Variants in SEC13 observed in about 807,000 individuals in gnomAD.
SEC13 encodes the protein SEC13 homolog, nuclear pore and COPII component.
SEC13 carries 25 observed loss-of-function variants against 49.2 expected under a neutral mutation model. That is an observed-to-expected ratio of 0.51 (90% CI 0.37 to 0.71). The LOEUF (loss-of-function observed/expected upper bound fraction) is 0.71. Ranked by LOEUF, SEC13 falls within the 30% of genes least tolerant of loss-of-function variation. SEC13 has a pLI of 0.00. For missense variants in SEC13, 383 were observed against 417.6 expected, an observed-to-expected ratio of 0.92 and a Z score of 0.72; for synonymous variants, 148 against 163.9, an observed-to-expected ratio of 0.90 and a Z score of 0.74.
intron 2 of SEC13, among the ~76,000 whole-genome samples, chr3:10,317,209 T>C (rs888804507): frequency 3.9e-5 from 6 of 152,292 alleles, no homozygotes; most frequent in South Asian, 2.1e-4. Context: ...AGACTGGGTC[T>C]TCCTGCCCAT....
chr3:10,305,158 T>TAACA lies in SEC13; in HGVS notation c.585-6_585-3dup, dbSNP rs769430331. 3.1e-6 allele frequency: 5 copies of TAACA among 1,608,820 alleles called. No homozygotes were observed. Among genetic ancestry groups the TAACA allele is most frequent in the South Asian group, 2.2e-5 (2 of 90,270 alleles). On this transcript the variant is annotated splice_polypyrimidine_tract_variant and splice_region_variant and intron_variant, in intron 6 of 8. Coordinates refer to ENST00000350697, the MANE Select transcript of SEC13 (RefSeq NM_183352.3). Reference sequence around the variant, plus strand: ...TTCCACTGGCCGTCCTCCTCCTCCCTAACAGTGGGGACAGAAAGAGAATCA... The same window carrying TAACA: ...TTCCACTGGCCGTCCTCCTCCTCCCTAACAAACAGTGGGGACAGAAAGAGAATCA...
intron 8 of SEC13, among the ~76,000 whole-genome samples, chr3:10,302,972 C>T (rs1040860136): frequency 5.3e-5 from 8 of 151,190 alleles, no homozygotes; most frequent in African/African-American, 7.4e-5. Context: ...TTAGATAGGT[C>T]GCTAGAGCAG....
rs953434883 is a variant in SEC13 at position 10,320,692 on chromosome 3, T to A, written c.3+358A>T. 3.5e-6 allele frequency: 4 copies of A among 1,131,856 alleles called. No individual in the cohort carries two copies. In the African/African-American group the frequency reaches 6.5e-5, roughly 18 times the overall value. The allele number at this position is 1,131,856 out of a possible 1,614,324, so 70.1% of individuals were successfully genotyped here. A position where few individuals can be genotyped will look rare whatever the true frequency, so the allele number is the denominator to read the frequency against. ...GTAAAGTGTTGAGAAGAATAGCACC[T>A]TCTTCACAAGGCTGTTAGCAGGCGG... is the stretch of plus-strand genomic sequence containing the variant. On this transcript the variant is annotated intron_variant, in intron 1 of 8. Coordinates refer to ENST00000350697, the MANE Select transcript of SEC13 (RefSeq NM_183352.3).
At chr3:10,310,612 C>T (rs1290338937) in intron 5 of SEC13, among the ~76,000 whole-genome samples, 1 of 152,194 alleles carries the variant, frequency 6.6e-6, no homozygotes, top group Admixed American at 6.5e-5. Flanking sequence ...TTAGAACCCT[C>T]ATACACTGCT....
intron 2 of SEC13, among the ~76,000 whole-genome samples, chr3:10,317,063 C>A (rs898639548): frequency 6.6e-6 from 1 of 151,398 alleles, no homozygotes; most frequent in African/African-American, 2.4e-5. Flanking sequence ...AGTGAGCATG[C>A]AAATGTTTGT....
At chr3:10,319,580 C>T (rs2059727941) in intron 1 of SEC13, among the ~76,000 whole-genome samples, 1 of 152,004 alleles carries the variant, frequency 6.6e-6, no homozygotes, top group African/African-American at 2.4e-5. Context: ...ACCAGGCTGC[C>T]TGTCTAGAAT....
In SEC13 at chr3:10,318,018, AC is replaced by A. The variant is rs569742973; in HGVS notation, c.48+31del. On this transcript the variant is annotated intron_variant, in intron 2 of 8. Transcript: ENST00000350697. ...CTCCCACAAAAATGCCCATGTCCAC[AC>A]CCCTCCAGGGAGGGTGATATTAATA... 147 of 1,508,832 alleles carry A rather than the reference AC, an allele frequency of 9.7e-5. 1 individual carries two copies. The African/African-American group carries it at 1.8e-3, about 19-fold the overall frequency. 93.5% of individuals were successfully genotyped at this position (1,508,832 alleles called of 1,614,324 possible).
chr3:10,303,728 C>A, intron 8 of SEC13: 1 of 459,302 alleles, frequency 2.2e-6, no homozygotes, highest in African/African-American at 2.0e-5. Flanking sequence ...CATGAGGTGA[C>A]CAAATGCTTA....
At chr3:10,310,407 C>T (rs1054447210) in intron 5 of SEC13, among the ~76,000 whole-genome samples, 8 of 152,102 alleles carry the variant, frequency 5.3e-5, no homozygotes, top group Non-Finnish European at 1.2e-4. Context: ...ATGAGAATTG[C>T]TTGAACCTGG....
chr3:10,308,901 G>A (rs1433682486), intron 5 of SEC13, among the ~76,000 whole-genome samples: 1 of 145,098 alleles, frequency 6.9e-6, no homozygotes, highest in South Asian at 2.2e-4. Context: ...AAAGTGCTAG[G>A]ATTACAGGCT....
chr3:10,312,818 T>A, intron 3 of SEC13, 88 bp from the exon 4 acceptor site: 1 of 1,333,294 alleles, frequency 7.5e-7, no homozygotes, highest in Non-Finnish European at 1.1e-6. Context: ...TGAGACGATA[T>A]ATCAGGGCAG....
In SEC13 at chr3:10,312,741, A is replaced by G. The variant is rs200938193; in HGVS notation, c.165-11T>C. The G allele has an allele frequency of 1.2e-6, 2 of 1,614,034 alleles. No homozygotes were observed. The highest frequency in any genetic ancestry group is 4.5e-5 in the East Asian group (2 of 44,888). On this transcript the variant is annotated splice_polypyrimidine_tract_variant and intron_variant, in intron 3 of 8. Coordinates refer to ENST00000350697, the MANE Select transcript of SEC13 (RefSeq NM_183352.3). ...ACAGGACCCTCATGACTACAAAGGG[A>G]GAGATAGGCCAGAGGAACCCACAGT...
chr3:10,315,641 C>T (rs1701559235), intron 2 of SEC13, among the ~76,000 whole-genome samples: 1 of 152,216 alleles, frequency 6.6e-6, no homozygotes, highest in Non-Finnish European at 1.5e-5. Flanking sequence ...ATGGACAAAG[C>T]AAGCCATGCC....
intron 2 of SEC13, among the ~76,000 whole-genome samples, chr3:10,317,628 T>G (rs749071115): frequency 3.9e-5 from 6 of 152,168 alleles, no homozygotes; most frequent in Non-Finnish European, 5.9e-5. Flanking sequence ...GGCTGCCCTC[T>G]GCCTTTGTAT....
chr3:10,305,550 C>T lies in SEC13; in HGVS notation c.584+9G>A. 7 of 1,613,358 alleles carry T rather than the reference C, an allele frequency of 4.3e-6. No homozygotes were observed. Among genetic ancestry groups the T allele is most frequent in the Non-Finnish European group, 5.9e-6 (7 of 1,179,942 alleles). The stretch of plus-strand genomic sequence containing the variant: ...CCCCTCAAAGAGAAGGCCACACATC[C>T]CTACTTACTTCCACAGCTTGATGAG... On this transcript the variant is annotated intron_variant, in intron 6 of 8. Coordinates refer to ENST00000350697, the MANE Select transcript of SEC13 (RefSeq NM_183352.3).
At chr3:10,320,932 G>T in intron 1 of SEC13, 118 bp downstream of exon 1, 1 of 1,522,142 alleles carries the variant, frequency 6.6e-7, no homozygotes, top group South Asian at 1.3e-5. Context: ...ATCTCTAAGC[G>T]GTGGAGGGGA....
intron 7 of SEC13, 29 bp from the exon 8 acceptor site, chr3:10,304,201 G>A (rs750930840): frequency 5.0e-6 from 8 of 1,611,914 alleles, no homozygotes; most frequent in South Asian, 1.1e-5. Flanking sequence ...GAGTCAGGAG[G>A]TGGAGTCAAG....
chr3:10,304,105 T>C lies in SEC13; in HGVS notation c.776A>G (p.His259Arg). ...ATGCCACACCACATCGTTGAACTTG[T>C]GCAACAATTTAGGGGACCACGTATT... Reference protein sequence around the residue: ...SSNTWSPKLLHKFNDVVWHVS... With the variant: ...SSNTWSPKLLRKFNDVVWHVS... The change falls in exon 8 of 9, where the codon CAC becomes CGC. Residue 259 changes from histidine (H) to arginine (R), a missense_variant. His to Arg is a conservative substitution (Grantham distance 29, BLOSUM62 0). Transcript: ENST00000350697. 6.2e-7 allele frequency: 1 copy of C among 1,614,088 alleles called. No homozygotes were observed. The highest frequency in any genetic ancestry group is 1.3e-5 in the African/African-American group (1 of 74,986).
intron 5 of SEC13, among the ~76,000 whole-genome samples, chr3:10,310,796 T>C (rs6795613): frequency 0.06 from 9,110 of 152,280 alleles, 516 homozygotes; most frequent in African/African-American, 0.15. Context: ...AGCAGCATTA[T>C]TCATAAGGCC....
Sources: gnomAD v4.1 joint callset for allele counts (sites outside exome capture counted in the v4.1 genomes callset) on GRCh38, gnomAD v4.1.1 for gene constraint, MANE v1.5 for transcripts, NCBI Gene and HGNC (gene_info 2026-07-23, HGNC 2026-07-21) for gene names.